Variants in RAD51B observed in about 807,000 individuals in gnomAD.
RAD51B encodes DNA repair protein RAD51 homolog 2.
RAD51B carries 38 observed loss-of-function variants against 42.2 expected under a neutral mutation model. That is an observed-to-expected ratio of 0.90 (90% confidence interval 0.70 to 1.18). The LOEUF is 1.18. Ranked by LOEUF, RAD51B falls within the 50% of genes most tolerant of loss-of-function variation. The pLI is 0.00. For synonymous variants in RAD51B, 154 were observed against 145.2 expected (o/e 1.06, Z -0.43); for missense variants, 373 against 400.7 (o/e 0.93, Z 0.59).
chr14:68,638,140 T>C (rs931295229), intron 10 of RAD51B, among the ~76,000 whole-genome samples: 2 of 152,184 alleles, frequency 1.3e-5, no homozygotes, highest in Admixed American at 6.5e-5. Context: ...AAATCCTTTT[T>C]TGAACTGGGT....
intron 8 of RAD51B, among the ~76,000 whole-genome samples, chr14:68,380,312 G>A (rs2083455216): frequency 6.6e-6 from 1 of 152,150 alleles, no homozygotes; most frequent in African/African-American, 2.4e-5. Flanking sequence ...AAGTAAAATT[G>A]CAAAGCCTAT....
chr14:68,411,578 T>C, intron 9 of RAD51B, 51 bp downstream of exon 9: 1 of 1,533,016 alleles, frequency 6.5e-7, no homozygotes, highest in South Asian at 1.1e-5. Flanking sequence ...GAATGAGATA[T>C]ACCAAGCAAT....
intron 10 of RAD51B, among the ~76,000 whole-genome samples, chr14:68,555,602 G>A (rs1056059770): frequency 1.3e-5 from 2 of 152,190 alleles, no homozygotes; most frequent in African/African-American, 4.8e-5. Flanking sequence ...TGAATCCTGG[G>A]CTGTTTGCTC....
intron 7 of RAD51B, among the ~76,000 whole-genome samples, chr14:67,936,324 T>G (rs539623234): frequency 5.8e-4 from 89 of 152,342 alleles, no homozygotes; most frequent in African/African-American, 2.1e-3. Context: ...TTATGGACAT[T>G]TCATGAAAGT....
intron 10 of RAD51B, among the ~76,000 whole-genome samples, chr14:68,577,742 T>TCACACACA (rs139667426): frequency 6.7e-6 from 1 of 149,660 alleles, no homozygotes; most frequent in Non-Finnish European, 1.5e-5. Flanking sequence ...ACCTCTCTCA[T>TCACACACA]CACACACACA....
chr14:68,314,189 G>T (rs532139084), intron 8 of RAD51B, among the ~76,000 whole-genome samples: 6 of 152,140 alleles, frequency 3.9e-5, no homozygotes, highest in Non-Finnish European at 7.4e-5. Context: ...CGCTATCATC[G>T]CCCTGCCTCG....
intron 7 of RAD51B, among the ~76,000 whole-genome samples, chr14:68,017,185 A>C (rs1157956981): frequency 6.6e-6 from 1 of 152,138 alleles, no homozygotes; most frequent in Non-Finnish European, 1.5e-5. Flanking sequence ...GGCATTATCA[A>C]AATAAATCTT....
At chr14:68,272,233 G>A (rs1004993734) in intron 7 of RAD51B, among the ~76,000 whole-genome samples, 2 of 152,028 alleles carry the variant, frequency 1.3e-5, no homozygotes, top group Non-Finnish European at 2.9e-5. Flanking sequence ...ATGTCTCAAG[G>A]GTTTCATTGG....
At chr14:68,462,465 C>T (rs368722764) in intron 9 of RAD51B, among the ~76,000 whole-genome samples, 265 of 152,284 alleles carry the variant, frequency 1.7e-3, no homozygotes, top group African/African-American at 5.5e-3. Flanking sequence ...GCACAAATAA[C>T]GAAAATTGCT....
chr14:68,640,021 G>T (rs7147776), intron 10 of RAD51B, among the ~76,000 whole-genome samples: 1 of 152,018 alleles, frequency 6.6e-6, no homozygotes, highest in South Asian at 2.1e-4. Context: ...AGGCTGGTCT[G>T]GATCTCCTGA....
At chr14:67,836,255 G>A (rs2041237908) in intron 4 of RAD51B, among the ~76,000 whole-genome samples, 1 of 152,200 alleles carries the variant, frequency 6.6e-6, no homozygotes, top group Non-Finnish European at 1.5e-5. Context: ...GGTGCTGGTG[G>A]TTGGCAGGAG....
Position 67,893,493 on chromosome 14 carries a change from C to A in RAD51B, c.756+6289C>A, listed in dbSNP as rs1242302558. 6.2e-3 allele frequency among the ~76,000 whole-genome samples: 500 copies of A among 81,048 alleles called. 6 individuals carry two copies. The highest frequency in any genetic ancestry group is 0.029 in the African/African-American group (466 of 16,254). 53.2% of individuals were successfully genotyped at this position (81,048 alleles called of 152,430 possible). On this transcript the variant is annotated intron_variant, in intron 7 of 10. Transcript: ENST00000471583. ...ACACACACACACACACACACACACA[C>A]ACACACACACACACACAAAAAAAAA...
At chr14:68,498,924 T>C (rs1369102350) in intron 10 of RAD51B, among the ~76,000 whole-genome samples, 1 of 152,166 alleles carries the variant, frequency 6.6e-6, no homozygotes, top group Admixed American at 6.5e-5. Flanking sequence ...GCAATGTCTT[T>C]CCTATGACAC....
intron 7 of RAD51B, among the ~76,000 whole-genome samples, chr14:68,031,054 A>G (rs2076033416): frequency 6.6e-6 from 1 of 152,196 alleles, no homozygotes; most frequent in African/African-American, 2.4e-5. Flanking sequence ...ACAAGATTAC[A>G]TCTGTATTAG....
intron 9 of RAD51B, among the ~76,000 whole-genome samples, chr14:68,449,577 T>TC (rs2085505466): frequency 6.6e-6 from 1 of 152,028 alleles, no homozygotes; most frequent in Non-Finnish European, 1.5e-5. Flanking sequence ...TTTAGGCCCA[T>TC]CCCCCCAGCT....
At chr14:68,022,599 G>C (rs904266354) in intron 7 of RAD51B, among the ~76,000 whole-genome samples, 2 of 150,634 alleles carry the variant, frequency 1.3e-5, no homozygotes, top group Non-Finnish European at 3.0e-5. Context: ...CTGACTTTTA[G>C]TGTTGATGGG....
Position 67,836,938 on chromosome 14 carries a change from A to G in RAD51B, c.315+1742A>G, listed in dbSNP as rs538923251. 3.9e-5 allele frequency among the ~76,000 whole-genome samples: 6 copies of G among 152,312 alleles called. No individual in the cohort carries two copies. In the South Asian group the frequency reaches 1.2e-3, roughly 32 times the overall value. ...GCATAAATACTTTCAGGAAACTTCT[A>G]AACAAGAACAGATTATTTTCTTACA... On this transcript the variant is annotated intron_variant, in intron 4 of 10. Coordinates refer to ENST00000471583, the MANE Select transcript of RAD51B (RefSeq NM_133510.4).
intron 7 of RAD51B, among the ~76,000 whole-genome samples, chr14:67,900,395 T>G (rs1173799334): frequency 6.6e-6 from 1 of 152,140 alleles, no homozygotes; most frequent in Non-Finnish European, 1.5e-5. Context: ...ACACATGAAG[T>G]AAGGCTGCTT....
At chr14:68,330,117 C>T (rs2082320171) in intron 8 of RAD51B, among the ~76,000 whole-genome samples, 1 of 152,072 alleles carries the variant, frequency 6.6e-6, no homozygotes, top group African/African-American at 2.4e-5. Flanking sequence ...ACTGAGTCAC[C>T]ATATTCAGCA....
Sources: allele counts gnomAD v4.1 joint callset (sites outside exome capture counted in the v4.1 genomes callset), GRCh38; gene constraint gnomAD v4.1.1; transcripts MANE v1.5; gene names NCBI Gene and HGNC (gene_info 2026-07-23, HGNC 2026-07-21).